The following HECW1 variants were observed in gnomAD, a reference collection of about 807,000 sequenced individuals.
HECW1 encodes E3 ubiquitin-protein ligase HECW1.
In HECW1, 61 loss-of-function variants were observed where a neutral mutation model predicts 182.3. That is an observed-to-expected ratio of 0.33 (90% CI 0.27 to 0.41). The LOEUF is 0.41. Among genes scored for constraint, HECW1 ranks in the 10% least tolerant of loss-of-function variants. The pLI, the probability that HECW1 is intolerant of heterozygous loss-of-function variation, is 1.00. For missense variants in HECW1, 1,739 were observed against 2,108.9 expected (o/e 0.82, Z 3.44); for synonymous variants, 859 against 832.6 (o/e 1.03, Z -0.55).
chr7:43,444,652 C>A lies in HECW1; in HGVS notation c.1480C>A (p.Gln494Lys). 1 of 1,606,862 alleles carries A rather than the reference C, an allele frequency of 6.2e-7. No homozygotes were observed. Among genetic ancestry groups the A allele is most frequent in the South Asian group, 1.1e-5 (1 of 89,978 alleles). The part of the protein sequence containing the change: ...EEPLEEEATT[Q>K]SRAGREEEEK... The stretch of plus-strand genomic sequence containing the variant: ...GCCCTTGGAGGAGGAAGCAACGACC[C>A]AGAGCCGGGCTGGAAGGGAAGAAGA... The change falls in exon 11 of 30, where the codon CAG (glutamine) becomes AAG (lysine). Residue 494 changes from glutamine (Q) to lysine (K), a missense_variant. Gln to Lys is a moderately conservative substitution (Grantham distance 53). Around this residue, in one of 5 missense-constraint regions of HECW1, gnomAD observed 971 missense variants for 1,029.1 expected, o/e 0.94. Transcript: ENST00000395891. The surrounding 1 kb of genome is among the most constrained non-coding windows in gnomAD (Gnocchi z 4.3).
intron 8 of HECW1, among the ~76,000 whole-genome samples, chr7:43,423,553 C>T (rs925475375): frequency 3.3e-5 from 5 of 152,298 alleles, no homozygotes; most frequent in Admixed American, 6.5e-5. Context: ...CTTCTGAGGA[C>T]ATAAGATGGA....
chr7:43,332,312 G>A (rs189299072), intron 5 of HECW1, among the ~76,000 whole-genome samples: 1 of 152,194 alleles, frequency 6.6e-6, no homozygotes, highest in African/African-American at 2.4e-5. Flanking sequence ...CCTCAACCCG[G>A]GCTGCTGAGA....
At chr7:43,360,243 AC>A (rs1815700861) in intron 5 of HECW1, among the ~76,000 whole-genome samples, 1 of 147,650 alleles carries the variant, frequency 6.8e-6, no homozygotes, top group South Asian at 2.1e-4. Context: ...ATGGAGTCTC[AC>A]CCTATTACCC....
chr7:43,442,727 T>C (rs533603137), intron 10 of HECW1, 98 bp downstream of exon 10: 193 of 834,674 alleles, frequency 2.3e-4, no homozygotes, highest in African/African-American at 1.4e-3. Context: ...TCCAGATGTA[T>C]CCTAGGTTTT....
At chr7:43,428,153 G>T (rs759807293) in intron 8 of HECW1, among the ~76,000 whole-genome samples, 3 of 152,172 alleles carry the variant, frequency 2.0e-5, no homozygotes, top group African/African-American at 4.8e-5. Flanking sequence ...CCCCACACCA[G>T]ATGAAAAGTT....
chr7:43,542,124 T>G, intron 26 of HECW1, 126 bp downstream of exon 26: 1 of 787,696 alleles, frequency 1.3e-6, no homozygotes, highest in Non-Finnish European at 1.8e-6. Context: ...TCCACATTGT[T>G]GGCCATCCAA....
At chr7:43,457,391 G>A (rs2077437342) in intron 13 of HECW1, among the ~76,000 whole-genome samples, 1 of 152,206 alleles carries the variant, frequency 6.6e-6, no homozygotes. Context: ...AACTGGGTTT[G>A]TGGAACACAC....
In HECW1 at chr7:43,320,698, G is replaced by T; in HGVS notation, c.416G>T (p.Gly139Val). Residue 139 changes from glycine to valine, a missense_variant, in exon 5 of 30, where the codon GGC (glycine) becomes GTC (valine). Gly to Val is a moderately radical substitution (Grantham distance 109). This residue lies in a region of HECW1 where 279 missense variants were observed against 353.1 expected (regional missense o/e 0.79). Coordinates refer to ENST00000395891, the MANE Select transcript of HECW1 (RefSeq NM_015052.5). ...KNRGVNGSHR[G>V]QIIWKIDASS... ...CGTGGAGTCAATGGTTCTCATCGGGGCCAGATCATCTGGAAGATCGATGCC... is the reference window on the plus strand; with the variant it reads ...CGTGGAGTCAATGGTTCTCATCGGGTCCAGATCATCTGGAAGATCGATGCC... The T allele has an allele frequency of 6.2e-7, 1 of 1,614,226 alleles. No individual in the cohort carries two copies. Among genetic ancestry groups the T allele is most frequent in the Non-Finnish European group, 8.5e-7 (1 of 1,180,026 alleles).
intron 3 of HECW1, among the ~76,000 whole-genome samples, chr7:43,256,609 C>CAAAAAAAAAA (rs756396122): frequency 3.6e-5 from 2 of 55,350 alleles, no homozygotes; most frequent in African/African-American, 5.6e-5. Flanking sequence ...AACTTCATCT[C>CAAAAAAAAAA]AAAAAAAAAA....
intron 3 of HECW1, among the ~76,000 whole-genome samples, chr7:43,297,568 C>G (rs550791790): frequency 1.3e-5 from 2 of 152,098 alleles, no homozygotes; most frequent in African/African-American, 4.8e-5. Context: ...TGTCCAGGCA[C>G]CAGTCACAGC....
At chr7:43,266,824 A>G (rs572101482) in intron 3 of HECW1, among the ~76,000 whole-genome samples, 1 of 152,240 alleles carries the variant, frequency 6.6e-6, no homozygotes, top group South Asian at 2.1e-4. Context: ...AGAGACACGC[A>G]AAAGGAATGA....
rs1348906997 is a variant in HECW1 at position 43,445,056 on chromosome 7, G to A, written c.1884G>A (p.Ala628=). 1.9e-6 allele frequency: 3 copies of A among 1,582,706 alleles called. No homozygotes were observed. Among genetic ancestry groups the A allele is most frequent in the South Asian group, 1.2e-5 (1 of 86,946 alleles). ...EEPEGATPGT[A]HPGHSGGHFP... ...CCGAGGGGGCTACTCCAGGCACGGCGCACCCTGGCCACTCCGGGGGCCACT... is the reference window on the plus strand; with the variant it reads ...CCGAGGGGGCTACTCCAGGCACGGCACACCCTGGCCACTCCGGGGGCCACT... The change falls in exon 11 of 30, where the codon GCG becomes GCA. Residue 628 remains alanine, a synonymous_variant. Transcript: ENST00000395891.
intron 4 of HECW1, among the ~76,000 whole-genome samples, chr7:43,317,050 G>C (rs905971332): frequency 4.0e-5 from 6 of 151,844 alleles, no homozygotes; most frequent in Non-Finnish European, 7.4e-5. Context: ...CTACAAAATA[G>C]GGATAAATAC....
At chr7:43,375,426 T>C (rs1365802992) in intron 6 of HECW1, among the ~76,000 whole-genome samples, 1 of 151,988 alleles carries the variant, frequency 6.6e-6, no homozygotes, top group Non-Finnish European at 1.5e-5. Flanking sequence ...ATTGCGAAAA[T>C]TGTGGATGGC....
chr7:43,560,734 A>G (rs115301514), intron 29 of HECW1, among the ~76,000 whole-genome samples: 239 of 152,370 alleles, frequency 1.6e-3, no homozygotes, highest in African/African-American at 5.2e-3. Context: ...TCTTGTAATG[A>G]AAAGAAGAGT....
At chr7:43,331,113 C>T (rs1811414984) in intron 5 of HECW1, among the ~76,000 whole-genome samples, 1 of 152,024 alleles carries the variant, frequency 6.6e-6, no homozygotes, top group Admixed American at 6.5e-5. Context: ...TTAGGTATAT[C>T]TCCTGATGCT....
At chr7:43,166,092 G>A (rs1467641441) in intron 2 of HECW1, among the ~76,000 whole-genome samples, 1 of 152,100 alleles carries the variant, frequency 6.6e-6, no homozygotes, top group Non-Finnish European at 1.5e-5. Context: ...TTGTGTTTTT[G>A]GTTTTTTTTG....
At chr7:43,467,395 G>C (rs114731821) in intron 15 of HECW1, among the ~76,000 whole-genome samples, 1,988 of 152,232 alleles carry the variant, frequency 0.013, 41 homozygotes, top group African/African-American at 0.045. Context: ...GGAGGCCTGG[G>C]GGATAAGTCC....
chr7:43,480,229 G>A (rs943941615), intron 17 of HECW1, among the ~76,000 whole-genome samples: 9 of 152,154 alleles, frequency 5.9e-5, no homozygotes, highest in Admixed American at 4.6e-4. Context: ...CTCTATTCGC[G>A]CTCTACAATG....
Sources: allele counts gnomAD v4.1 joint callset (sites outside exome capture counted in the v4.1 genomes callset), GRCh38; gene constraint gnomAD v4.1.1; regional missense constraint gnomAD v4.1.1; non-coding constraint Gnocchi (gnomAD v3.1); transcripts MANE v1.5; gene names NCBI Gene and HGNC (gene_info 2026-07-23, HGNC 2026-07-21).